Variants in LRBA observed in about 807,000 individuals in gnomAD.
LRBA encodes lipopolysaccharide-responsive and beige-like anchor protein.
Under a neutral mutation model 330.0 loss-of-function variants are expected in LRBA, and 176 were observed. That is an observed-to-expected ratio of 0.53 (90% CI 0.47 to 0.60). The LOEUF is 0.60. LRBA is among the 20% of genes least tolerant of loss of function. The pLI is 0.00. For synonymous variants in LRBA, 1,230 were observed against 1,193.0 expected, an observed-to-expected ratio of 1.03 and a Z score of -0.64; for missense variants, 3,259 against 3,444.8, an observed-to-expected ratio of 0.95 and a Z score of 1.35.
At chr4:150,893,607 C>T (rs1560971067) in intron 16 of LRBA, among the ~76,000 whole-genome samples, 1 of 152,122 alleles carries the variant, frequency 6.6e-6, no homozygotes, top group Non-Finnish European at 1.5e-5. Flanking sequence ...ACCTCAGCCT[C>T]CCAAAGTGCT....
chr4:150,821,119 T>G (rs1745372203), intron 30 of LRBA, among the ~76,000 whole-genome samples: 4 of 152,140 alleles, frequency 2.6e-5, no homozygotes, highest in African/African-American at 9.6e-5. Flanking sequence ...TTTTTAATGT[T>G]TAAGAACAAT....
At position 150,724,531 on chromosome 4, in the gene LRBA, T is replaced by C. The variant is rs368837760; in HGVS notation, c.5754+10727A>G. Among the ~76,000 whole-genome samples, 6 of 151,960 alleles carry C rather than the reference T, an allele frequency of 3.9e-5. 1 individual carries two copies. Among genetic ancestry groups the C allele is most frequent in the African/African-American group, 9.7e-5 (4 of 41,382 alleles). Reference sequence around the variant, plus strand: ...TTCAATGCTCATACACTGAAGAACATTAGCAAGTATAAACATCATCCATGA... The same window carrying C: ...TTCAATGCTCATACACTGAAGAACACTAGCAAGTATAAACATCATCCATGA... On this transcript the variant is annotated intron_variant, in intron 36 of 56. Coordinates refer to ENST00000651943, the MANE Select transcript of LRBA (RefSeq NM_001364905.1).
In LRBA at chr4:150,897,930, G is replaced by A. The variant is rs546348542; in HGVS notation, c.1925-112C>T. The stretch of plus-strand genomic sequence containing the variant: ...TCCATGTGTTTGTAAGAAATATAAA[G>A]GTAGGTCTCCTACAGAATGACCTTT... On this transcript the variant is annotated intron_variant, in intron 14 of 56. Transcript: ENST00000651943. 37 of 706,724 alleles carry A rather than the reference G, an allele frequency of 5.2e-5. No individual in the cohort carries two copies. The South Asian group carries it at 6.2e-4, about 12-fold the overall frequency. 43.8% of individuals were successfully genotyped at this position (706,724 alleles called of 1,614,324 possible).
At chr4:150,726,773 G>A (rs13125957) in intron 36 of LRBA, among the ~76,000 whole-genome samples, 106,985 of 151,954 alleles carry the variant, frequency 0.7, 42,680 homozygotes, top group Non-Finnish European at 0.9. Flanking sequence ...GGGGATCATA[G>A]GTCCCTCCCT....
intron 36 of LRBA, among the ~76,000 whole-genome samples, chr4:150,706,466 TA>T (rs1785629804): frequency 6.6e-6 from 1 of 151,720 alleles, no homozygotes; most frequent in Non-Finnish European, 1.5e-5. Flanking sequence ...ATTAAATATT[TA>T]AATTTAAAGC....
At chr4:150,471,856 G>C (rs1581413194) in intron 42 of LRBA, 117 bp from the exon 43 acceptor site, 1 of 633,754 alleles carries the variant, frequency 1.6e-6, no homozygotes, top group East Asian at 2.9e-5. Flanking sequence ...ATTCATGTTA[G>C]ACTAATGAAT....
At chr4:150,402,369 C>T (rs908806163) in intron 47 of LRBA, among the ~76,000 whole-genome samples, 2 of 149,572 alleles carry the variant, frequency 1.3e-5, no homozygotes, top group Admixed American at 6.7e-5. Flanking sequence ...AAAAGTGAAA[C>T]GATAAAGTGA....
rs1751007758 is a variant in LRBA at position 150,435,613 on chromosome 4, A to C, written c.7017T>G (p.Ser2339Arg). 1 of 1,612,784 alleles carries C rather than the reference A, an allele frequency of 6.2e-7. No individual in the cohort carries two copies. The highest frequency in any genetic ancestry group is 8.5e-7 in the Non-Finnish European group (1 of 1,179,630). The change falls in exon 46 of 57, where the codon AGT (serine) becomes AGG (arginine). Residue 2339 changes from serine to arginine, a missense_variant. Ser to Arg is a moderately radical substitution (Grantham distance 110). Transcript: ENST00000651943. Reference sequence around the variant, plus strand: ...CCTTAATATCAGAGGTATCACGCTGACTGTTTCGCCAAGCTCTGGAAATTG... The same window carrying C: ...CCTTAATATCAGAGGTATCACGCTGCCTGTTTCGCCAAGCTCTGGAAATTG... ...FSSISRAWRN[S>R]QRDTSDIKEL...
At chr4:150,707,140 TG>T (rs1246298668) in intron 36 of LRBA, among the ~76,000 whole-genome samples, 2 of 151,710 alleles carry the variant, frequency 1.3e-5, no homozygotes, top group Non-Finnish European at 3.0e-5. Flanking sequence ...CATCTAACAG[TG>T]GTTTTCTGTA....
Position 150,844,804 on chromosome 4 carries a change from T to C in LRBA, c.4340-25A>G, listed in dbSNP as rs377528398. 54 of 1,596,094 alleles carry C rather than the reference T, an allele frequency of 3.4e-5. No homozygotes were observed. The highest frequency in any genetic ancestry group is 2.5e-4 in the Admixed American group (15 of 58,856). On this transcript the variant is annotated intron_variant, in intron 26 of 56. Transcript: ENST00000651943. The stretch of plus-strand genomic sequence containing the variant: ...ACTGTAATTTATTTTAAGGAAAAGA[T>C]AGGGAAAGAAAAGTTAATATTTAAG...
chr4:150,610,977 C>T (rs1350698124), intron 37 of LRBA, among the ~76,000 whole-genome samples: 2 of 152,008 alleles, frequency 1.3e-5, no homozygotes, highest in African/African-American at 2.4e-5. Flanking sequence ...TCAACTTGTA[C>T]TAAAACACAT....
chr4:150,928,754 C>T, intron 3 of LRBA, 80 bp downstream of exon 3: 3 of 1,357,222 alleles, frequency 2.2e-6, no homozygotes, highest in Non-Finnish European at 3.1e-6. Context: ...TTAAATATTG[C>T]TAAATGGAAT....
Position 150,264,976 on chromosome 4 carries a change from G to C in LRBA, c.*746C>G, listed in dbSNP as rs1200414126. On this transcript the variant is annotated 3_prime_UTR_variant, in exon 57 of 57. Transcript: ENST00000651943. ...AGGCAAACCGCAGTAGTGAGCTTTG[G>C]TACTTGCATTTACTTTAAAAGAAAA... is the stretch of plus-strand genomic sequence containing the variant. The C allele has an allele frequency of 6.6e-6, 1 of 152,620 alleles. No individual in the cohort carries two copies. The highest frequency in any genetic ancestry group is 1.9e-4 in the East Asian group (1 of 5,198). 9.5% of individuals were successfully genotyped at this position (152,620 alleles called of 1,614,324 possible). A position where few individuals can be genotyped will look rare whatever the true frequency, so the allele number is the denominator to read the frequency against.
chr4:150,527,680 T>C (rs1763621026), intron 40 of LRBA, among the ~76,000 whole-genome samples: 1 of 152,230 alleles, frequency 6.6e-6, no homozygotes, highest in African/African-American at 2.4e-5. Flanking sequence ...CTCAGCACTA[T>C]CCTGCTCTTC....
intron 37 of LRBA, among the ~76,000 whole-genome samples, chr4:150,644,115 A>G (rs1373782602): frequency 1.3e-5 from 2 of 151,940 alleles, no homozygotes; most frequent in African/African-American, 2.4e-5. Context: ...ACTTTAAATA[A>G]CATGTTTTTA....
At chr4:150,872,479 C>A (rs1363549685) in intron 18 of LRBA, among the ~76,000 whole-genome samples, 184 bp downstream of exon 18, 1 of 151,972 alleles carries the variant, frequency 6.6e-6, no homozygotes, top group African/African-American at 2.4e-5. Flanking sequence ...ATTTTATGTA[C>A]AAAAAAATTA....
intron 40 of LRBA, among the ~76,000 whole-genome samples, chr4:150,560,549 G>A (rs562501976): frequency 6.6e-5 from 10 of 152,090 alleles, no homozygotes; most frequent in Non-Finnish European, 1.3e-4. Context: ...TACCACTGGC[G>A]AATCATTCAT....
intron 56 of LRBA, among the ~76,000 whole-genome samples, chr4:150,270,026 G>A (rs1425082676): frequency 6.6e-6 from 1 of 152,076 alleles, no homozygotes; most frequent in East Asian, 1.9e-4. Flanking sequence ...TGATCATTAG[G>A]GAAATCAAAA....
Position 150,867,848 on chromosome 4 carries a change from G to A in LRBA, c.2589C>T (p.Cys863=), listed in dbSNP as rs1332873761. The A allele has an allele frequency of 1.9e-6, 3 of 1,608,860 alleles. No individual in the cohort carries two copies. Among genetic ancestry groups the A allele is most frequent in the Non-Finnish European group, 2.5e-6 (3 of 1,177,822 alleles). Residue 863 remains cysteine, a synonymous_variant, in exon 22 of 57, where the codon TGC becomes TGT. Coordinates refer to ENST00000651943, the MANE Select transcript of LRBA (RefSeq NM_001364905.1). ...SRENRRSLLQ[C]SVWQEWMLSL... ...AAAGCATCCATTCTTGCCACACAGA[G>A]CATTGTAGCAAGCTCCTGAAAATTA...
Sources: gnomAD v4.1 joint callset for allele counts (sites outside exome capture counted in the v4.1 genomes callset) on GRCh38, gnomAD v4.1.1 for gene constraint, MANE v1.5 for transcripts, NCBI Gene and HGNC (gene_info 2026-07-23, HGNC 2026-07-21) for gene names.